RIN3: variants seen among roughly 807,000 people sequenced by gnomAD.
RIN3 encodes the protein Ras and Rab interactor 3.
A neutral mutation model predicts 76.3 loss-of-function variants in RIN3; 54 were observed. The observed-to-expected ratio is 0.71, with a 90% CI of 0.57 to 0.89. The LOEUF (loss-of-function observed/expected upper bound fraction) is 0.89. Among genes scored for constraint, RIN3 ranks in the 40% least tolerant of loss-of-function variants. The pLI, the probability that RIN3 is intolerant of heterozygous loss-of-function variation, is 0.00. For synonymous variants in RIN3, 576 were observed against 564.0 expected (o/e 1.02, Z -0.30); for missense variants, 1,256 against 1,322.1 (o/e 0.95, Z 0.78).
At chr14:92,636,931 G>T (rs892923923) in intron 4 of RIN3, among the ~76,000 whole-genome samples, 3 of 152,042 alleles carry the variant, frequency 2.0e-5, no homozygotes, top group Non-Finnish European at 4.4e-5. Flanking sequence ...TAAATGGTGT[G>T]TGTGCGTGTG....
chr14:92,654,514 C>A (rs1050321196), intron 6 of RIN3, among the ~76,000 whole-genome samples: 1 of 152,282 alleles, frequency 6.6e-6, no homozygotes, highest in East Asian at 1.9e-4. Flanking sequence ...GTAAAGGACA[C>A]GTGGGCCTCT....
chr14:92,530,805 C>T (rs1177793700), intron 1 of RIN3, among the ~76,000 whole-genome samples: 1 of 152,138 alleles, frequency 6.6e-6, no homozygotes, highest in Non-Finnish European at 1.5e-5. Context: ...CTGCTGGAAC[C>T]TCTGCAACCT....
chr14:92,598,435 C>T (rs1264357955), intron 3 of RIN3, among the ~76,000 whole-genome samples: 1 of 152,222 alleles, frequency 6.6e-6, no homozygotes, highest in South Asian at 2.1e-4. Flanking sequence ...AATTCCTGAC[C>T]CACAAATTGT....
intron 2 of RIN3, among the ~76,000 whole-genome samples, chr14:92,559,174 C>A (rs898774525): frequency 6.6e-6 from 1 of 152,168 alleles, no homozygotes; most frequent in African/African-American, 2.4e-5. Flanking sequence ...GCCCCCTTCT[C>A]TCTTCCTTGA....
chr14:92,616,810 A>C (rs1366607501), intron 4 of RIN3, among the ~76,000 whole-genome samples: 1 of 152,174 alleles, frequency 6.6e-6, no homozygotes, highest in Non-Finnish European at 1.5e-5. Flanking sequence ...TTTAATGGGA[A>C]CTTCAGGGGG....
chr14:92,617,691 C>G (rs1886022987), intron 4 of RIN3, among the ~76,000 whole-genome samples: 1 of 152,106 alleles, frequency 6.6e-6, no homozygotes, highest in Non-Finnish European at 1.5e-5. Context: ...ATCAAAGAGA[C>G]CAAAGAATGA....
chr14:92,676,226 G>A (rs1192438714), intron 7 of RIN3, among the ~76,000 whole-genome samples: 1 of 152,030 alleles, frequency 6.6e-6, no homozygotes, highest in African/African-American at 2.4e-5. Flanking sequence ...GAAGGGGTCA[G>A]GGTCTTGCTC....
At chr14:92,592,029 G>T (rs1231274074) in intron 3 of RIN3, among the ~76,000 whole-genome samples, 1 of 152,158 alleles carries the variant, frequency 6.6e-6, no homozygotes, top group Admixed American at 6.5e-5. Context: ...GTGTGTATGT[G>T]TATCTATATA....
intron 7 of RIN3, among the ~76,000 whole-genome samples, chr14:92,661,309 G>T (rs1401220168): frequency 1.3e-5 from 2 of 152,346 alleles, no homozygotes; most frequent in African/African-American, 4.8e-5. Context: ...TATGATTGGG[G>T]TATGGTGCCA....
rs34129546 is a variant in RIN3 at position 92,621,255 on chromosome 14, A to AAAAAAAAAAAG, written c.440+5776_440+5777insAAAAAAAAAAG. Among the ~76,000 whole-genome samples the AAAAAAAAAAAG allele has an allele frequency of 2.0e-5, 3 of 151,198 alleles. No individual in the cohort carries two copies. The East Asian group carries it at 5.8e-4, about 29-fold the overall frequency. ...CGTCTCAAAAAAAAAAAAAAAAAAAAGAATTACCAAACTTCTGATGCATTT... is the reference window on the plus strand; with the variant it reads ...CGTCTCAAAAAAAAAAAAAAAAAAAAAAAAAAAAAAGGAATTACCAAACTTCTGATGCATTT... On this transcript the variant is annotated intron_variant, in intron 4 of 9. Transcript: ENST00000216487.
intron 3 of RIN3, among the ~76,000 whole-genome samples, chr14:92,600,637 C>T (rs143703369): frequency 1.4e-3 from 209 of 152,316 alleles, no homozygotes; most frequent in African/African-American, 4.4e-3. Context: ...GCACTGATTT[C>T]GGGTACCCAC....
At chr14:92,548,566 C>T (rs66906591) in intron 1 of RIN3, among the ~76,000 whole-genome samples, 43,499 of 151,890 alleles carry the variant, frequency 0.29, 6,743 homozygotes, top group Middle Eastern at 0.39. Context: ...AGGGAGGATC[C>T]GTCCCATGCC....
intron 4 of RIN3, among the ~76,000 whole-genome samples, chr14:92,631,972 T>C (rs549233041): frequency 1.5e-4 from 23 of 152,226 alleles, no homozygotes; most frequent in African/African-American, 5.3e-4. Flanking sequence ...GGGGCAGACT[T>C]TGGGACAAGA....
At chr14:92,572,209 G>A (rs926282963) in intron 2 of RIN3, among the ~76,000 whole-genome samples, 3 of 152,208 alleles carry the variant, frequency 2.0e-5, no homozygotes, top group Admixed American at 2.0e-4. Context: ...CCTGGGGTGG[G>A]CTGTCTGCAT....
intron 7 of RIN3, among the ~76,000 whole-genome samples, chr14:92,662,276 A>ACATGGCATG (rs59985723): frequency 1.3e-5 from 2 of 151,604 alleles, no homozygotes; most frequent in Non-Finnish European, 2.9e-5. Context: ...GAGGTGTCCT[A>ACATGGCATG]CAGGGAAGCA....
Position 92,652,028 on chromosome 14 carries a change from C to T in RIN3, c.979C>T (p.Pro327Ser), listed in dbSNP as rs551685809. The T allele has an allele frequency of 1.3e-6, 2 of 1,598,256 alleles. No individual in the cohort carries two copies. Among genetic ancestry groups the T allele is most frequent in the South Asian group, 1.1e-5 (1 of 90,840 alleles). The change falls in exon 6 of 10, where the codon CCA (proline) becomes TCA (serine). Residue 327 changes from proline to serine, a missense_variant. Physicochemically the swap from Pro to Ser is moderately conservative, Grantham distance 74. Coordinates refer to ENST00000216487, the MANE Select transcript of RIN3 (RefSeq NM_024832.5). The surrounding 1 kb of genome is among the most constrained non-coding windows in gnomAD (Gnocchi z 6.4). ...VPAPHVTPHA[P>S]GPPDHPNQPP... ...TGCCCCCCACGTCACACCCCATGCC[C>T]CAGGTCCCCCAGACCATCCGAACCA...
chr14:92,518,973 G>C (rs533642860), intron 1 of RIN3, among the ~76,000 whole-genome samples: 1 of 152,202 alleles, frequency 6.6e-6, no homozygotes, highest in South Asian at 2.1e-4. Flanking sequence ...TAGTATTTTA[G>C]GATTTTATTC....
chr14:92,576,876 A>G (rs1166583591), intron 2 of RIN3, among the ~76,000 whole-genome samples: 1 of 152,160 alleles, frequency 6.6e-6, no homozygotes, highest in Non-Finnish European at 1.5e-5. Context: ...GAATTGACTA[A>G]TATCTGTGAT....
intron 4 of RIN3, among the ~76,000 whole-genome samples, chr14:92,618,515 T>C (rs1886054909): frequency 6.6e-6 from 1 of 152,238 alleles, no homozygotes; most frequent in South Asian, 2.1e-4. Context: ...TTCTCTGATG[T>C]TCTCAGAAGA....
Sources: allele counts gnomAD v4.1 joint callset (sites outside exome capture counted in the v4.1 genomes callset), GRCh38; gene constraint gnomAD v4.1.1; non-coding constraint Gnocchi (gnomAD v3.1); transcripts MANE v1.5; gene names NCBI Gene and HGNC (gene_info 2026-07-23, HGNC 2026-07-21).